HEATR1: variants seen among roughly 807,000 people sequenced by gnomAD.
HEATR1 encodes the protein HEAT repeat-containing protein 1.
A neutral mutation model predicts 248.2 loss-of-function variants in HEATR1; 77 were observed. That is an observed-to-expected ratio of 0.31 (90% CI 0.26 to 0.37). HEATR1 has a LOEUF of 0.37. HEATR1 is among the 10% of genes least tolerant of loss of function. The pLI, the probability that HEATR1 is intolerant of heterozygous loss-of-function variation, is 1.00. For missense variants in HEATR1, 2,420 were observed against 2,504.9 expected (o/e 0.97, Z 0.72); for synonymous variants, 897 against 923.1 (o/e 0.97, Z 0.51).
intron 3 of HEATR1, among the ~76,000 whole-genome samples, chr1:236,600,118 ATTTTTTTTT>A (rs67344658): frequency 0.021 from 1,044 of 50,310 alleles, 10 homozygotes; most frequent in Non-Finnish European, 0.027. Flanking sequence ...GTCTGTCAAC[ATTTTTTTTT>A]TTTTTTTTTT....
At position 236,599,590 on chromosome 1, in the gene HEATR1, T is replaced by C. The variant is rs184646465; in HGVS notation, c.394A>G (p.Ile132Val). ...TCGTGGTATGGCAGAACACAAGCAA[T>C]GAGGCTATCTTGATTATAGAGATGT... ...HIHLYNQDSL[I>V]ACVLPYHETR... Residue 132 changes from isoleucine to valine, a missense_variant, in exon 4 of 45, where the codon ATT becomes GTT. Transcript: ENST00000366582. The C allele has an allele frequency of 4.2e-4, 683 of 1,613,692 alleles. 2 individuals are homozygous for C. Among genetic ancestry groups the C allele is most frequent in the Admixed American group, 9.5e-4 (57 of 59,984 alleles).
At chr1:236,582,982 A>G in intron 18 of HEATR1, 31 bp downstream of exon 18, 1 of 1,609,814 alleles carries the variant, frequency 6.2e-7, no homozygotes, top group Non-Finnish European at 8.5e-7. Flanking sequence ...GCAGAGTATC[A>G]CATTTAAAAG....
chr1:236,557,626 G>A (rs1245688815), intron 36 of HEATR1, among the ~76,000 whole-genome samples: 1 of 152,214 alleles, frequency 6.6e-6, no homozygotes. Context: ...TGCAAGCACT[G>A]CCCTACAGAA....
rs1181035827 is a variant in HEATR1, at chr1:236,550,239, T to TGTGTGAGCAGCCAG, written c.*649_*662dup. On this transcript the variant is annotated 3_prime_UTR_variant, in exon 45 of 45. Transcript: ENST00000366582. ...TGCCACCCAGTGTTTCTGGGCCCTC[T>TGTGTGAGCAGCCAG]GTGTGAGCAGCCAGGTGTGAGCTGT... 1 of 152,218 alleles carries TGTGTGAGCAGCCAG rather than the reference T, an allele frequency of 6.6e-6. No individual in the cohort carries two copies. Among genetic ancestry groups the TGTGTGAGCAGCCAG allele is most frequent in the African/African-American group, 2.4e-5 (1 of 41,434 alleles). 9.4% of individuals were successfully genotyped at this position (152,218 alleles called of 1,614,324 possible).
In HEATR1 at chr1:236,596,851, A is replaced by T; in HGVS notation, c.729T>A (p.Phe243Leu). 1 of 1,613,368 alleles carries T rather than the reference A, an allele frequency of 6.2e-7. No homozygotes were observed. The highest frequency in any genetic ancestry group is 8.5e-7 in the Non-Finnish European group (1 of 1,179,734). ...DVSDNIIAKL[F>L]PYIQKGLKSS... Reference sequence around the variant, plus strand: ...CAGTGCCAACCTTTTGGATATAGGGAAATAGTTTGGCGATGATATTGTCTG... The same window carrying T: ...CAGTGCCAACCTTTTGGATATAGGGTAATAGTTTGGCGATGATATTGTCTG... The change falls in exon 6 of 45, where the codon TTT (phenylalanine) becomes TTA (leucine). Residue 243 changes from phenylalanine to leucine, a missense_variant. Physicochemically the swap from Phe to Leu is conservative, Grantham distance 22. Transcript: ENST00000366582.
Position 236,592,609 on chromosome 1 carries a change from T to A in HEATR1, c.1218A>T (p.Ser406=), listed in dbSNP as rs768191636. ...LASLLFEEYI[S]YSSQEEMDSN... ...AATCCATTTCTTCCTGTGAACTATA[T>A]GAAATATACTCTTCAAATAGAAGGC... The change falls in exon 10 of 45, where the codon TCA becomes TCT. Residue 406 remains serine (S), a synonymous_variant. Transcript: ENST00000366582. 6 of 1,453,452 alleles carry A rather than the reference T, an allele frequency of 4.1e-6. No individual in the cohort carries two copies. In the African/African-American group the frequency reaches 8.4e-5, roughly 20 times the overall value. The allele number at this position is 1,453,452 out of a possible 1,614,324, so 90.0% of individuals were successfully genotyped here. A position where few individuals can be genotyped will look rare whatever the true frequency, so the allele number is the denominator to read the frequency against.
At chr1:236,592,309 C>G (rs1664059944) in intron 10 of HEATR1, among the ~76,000 whole-genome samples, 199 bp from the exon 11 acceptor site, 1 of 152,138 alleles carries the variant, frequency 6.6e-6, no homozygotes, top group South Asian at 2.1e-4. Flanking sequence ...AATAGTCTCT[C>G]TATAAAAAAT....
In HEATR1 at chr1:236,555,337, G is replaced by C; in HGVS notation, c.5882C>G (p.Pro1961Arg). The change falls in exon 41 of 45, where the codon CCT (proline) becomes CGT (arginine). Residue 1961 changes from proline to arginine, a missense_variant. Physicochemically the swap from Pro to Arg is moderately radical, Grantham distance 103 (BLOSUM62 -2). Transcript: ENST00000366582. The stretch of plus-strand genomic sequence containing the variant: ...CACCTGGTTCAAGGTGTCAGCAAAA[G>C]GCTTCACTAAGTGGCCGGCAAACAG... The part of the protein sequence containing the change: ...FTLFAGHLVK[P>R]FADTLNQVNI... 1 of 1,614,214 alleles carries C rather than the reference G, an allele frequency of 6.2e-7. No individual in the cohort carries two copies. Among genetic ancestry groups the C allele is most frequent in the Non-Finnish European group, 8.5e-7 (1 of 1,180,030 alleles).
rs775787163 is a variant in HEATR1 at position 236,595,564 on chromosome 1, C to T, written c.1066G>A (p.Val356Ile). The T allele has an allele frequency of 3.5e-5, 57 of 1,611,898 alleles. No individual in the cohort carries two copies. Among genetic ancestry groups the T allele is most frequent in the Non-Finnish European group, 4.6e-5 (54 of 1,178,790 alleles). Residue 356 changes from valine (V) to isoleucine (I), a missense_variant, in exon 8 of 45, where the codon GTC becomes ATC. Physicochemically the swap from Val to Ile is conservative, Grantham distance 29. Coordinates refer to ENST00000366582, the MANE Select transcript of HEATR1 (RefSeq NM_018072.6). Reference sequence around the variant, plus strand: ...CCTGTAACATGATGAATGATGGAGACGACCAGATGGGGAAGCATGTAATGC... The same window carrying T: ...CCTGTAACATGATGAATGATGGAGATGACCAGATGGGGAAGCATGTAATGC... ...LLHYMLPHLV[V>I]SIIHHVTGEE...
In HEATR1 at chr1:236,572,732, G is replaced by T. The variant is rs1165220462; in HGVS notation, c.3556C>A (p.Gln1186Lys). 2 of 1,613,772 alleles carry T rather than the reference G, an allele frequency of 1.2e-6. No homozygotes were observed. The highest frequency in any genetic ancestry group is 1.1e-5 in the South Asian group (1 of 91,068). The part of the protein sequence containing the change: ...TVQQKRRQKM[Q>K]QKKSQDLESV... The stretch of plus-strand genomic sequence containing the variant: ...TGCATTTGTAGCTCTTACTTCTGCT[G>T]CATTTTTTGCCTTCTTTTTTGCTGA... The change falls in exon 25 of 45, where the codon CAG becomes AAG. Residue 1186 changes from glutamine to lysine, a missense_variant. Gln to Lys is a moderately conservative substitution (Grantham distance 53, BLOSUM62 1). Coordinates refer to ENST00000366582, the MANE Select transcript of HEATR1 (RefSeq NM_018072.6).
chr1:236,565,948 T>C lies in HEATR1; in HGVS notation c.4406A>G (p.Tyr1469Cys). 6.2e-7 allele frequency: 1 copy of C among 1,613,966 alleles called. No homozygotes were observed. Among genetic ancestry groups the C allele is most frequent in the Middle Eastern group, 1.7e-4 (1 of 6,058 alleles). ...TTTTTCCTCTGGCAGCTTTAGTAAG[T>C]ACTGGAGGATATTCATCAAGCTTTG... is the stretch of plus-strand genomic sequence containing the variant. The part of the protein sequence containing the change: ...QIQSLMNILQ[Y>C]LLKLPEEKEE... Residue 1469 changes from tyrosine (Y) to cysteine (C), a missense_variant, in exon 31 of 45, where the codon TAC (tyrosine) becomes TGC (cysteine). Tyr to Cys is a radical substitution (Grantham distance 194). Coordinates refer to ENST00000366582, the MANE Select transcript of HEATR1 (RefSeq NM_018072.6).
chr1:236,576,794 C>A lies in HEATR1; in HGVS notation c.2911G>T (p.Ala971Ser). 1 of 1,611,534 alleles carries A rather than the reference C, an allele frequency of 6.2e-7. No individual in the cohort carries two copies. Among genetic ancestry groups the A allele is most frequent in the Non-Finnish European group, 8.5e-7 (1 of 1,179,070 alleles). The change falls in exon 21 of 45, where the codon GCC becomes TCC. Residue 971 changes from alanine (A) to serine (S), a missense_variant. Coordinates refer to ENST00000366582, the MANE Select transcript of HEATR1 (RefSeq NM_018072.6). ...AACGAGCTTACCTGAATAACATAGG[C>A]AGCATCTGAAGTGATCTCCTCTGCT... ...SKAEEITSDA[A>S]YVIQDLATLF... is the part of the protein sequence containing the mutation.
chr1:236,579,138 G>A (rs539296591), intron 20 of HEATR1, among the ~76,000 whole-genome samples: 17 of 152,194 alleles, frequency 1.1e-4, no homozygotes, highest in African/African-American at 1.7e-4. Flanking sequence ...TCAAATTTTC[G>A]GAGCACCAAT....
intron 24 of HEATR1, 145 bp from the exon 25 acceptor site, chr1:236,572,973 G>T: frequency 1.4e-6 from 1 of 728,692 alleles, no homozygotes; most frequent in Non-Finnish European, 2.3e-6. Context: ...CCCAGCATTG[G>T]ATGCTACTAC....
At chr1:236,563,128 G>C (rs959032669) in intron 32 of HEATR1, among the ~76,000 whole-genome samples, 2 of 152,150 alleles carry the variant, frequency 1.3e-5, no homozygotes, top group African/African-American at 4.8e-5. Context: ...AACAATGACA[G>C]AGGAGATTCT....
intron 28 of HEATR1, among the ~76,000 whole-genome samples, chr1:236,570,947 AAATT>A (rs1663410013): frequency 6.6e-6 from 1 of 152,234 alleles, no homozygotes; most frequent in African/African-American, 2.4e-5. Context: ...GTTTATGATC[AAATT>A]AATTTTCTGA....
chr1:236,604,199 C>T (rs1393943675), intron 1 of HEATR1, 72 bp from the exon 2 acceptor site: 6 of 1,254,860 alleles, frequency 4.8e-6, no homozygotes, highest in Non-Finnish European at 6.5e-6. Flanking sequence ...CAATTCTCTT[C>T]TGCACTCAGC....
Position 236,550,950 on chromosome 1 carries a change from A to G in HEATR1, c.6387T>C (p.Ile2129=). 1 of 1,606,678 alleles carries G rather than the reference A, an allele frequency of 6.2e-7. No homozygotes were observed. ...CTCCCAGGACAGTTTCCAGTTGCTGAATAGTCTTTTGGCACTGATGTTCTA... is the reference window on the plus strand; with the variant it reads ...CTCCCAGGACAGTTTCCAGTTGCTGGATAGTCTTTTGGCACTGATGTTCTA... ...EEVEHQCQKT[I]QQLETVLGEP... The change falls in exon 45 of 45, where the codon ATT becomes ATC. Residue 2129 remains isoleucine, a synonymous_variant. Transcript: ENST00000366582.
In HEATR1 at chr1:236,600,037, G is replaced by A. The variant is rs182054817; in HGVS notation, c.360-413C>T. On this transcript the variant is annotated intron_variant, in intron 3 of 44. Transcript: ENST00000366582. ...TCTCCTGAGTAGCTGGGACCACAGGGGAGCACCATCACAGCTGGCTAATTT... is the reference window on the plus strand; with the variant it reads ...TCTCCTGAGTAGCTGGGACCACAGGAGAGCACCATCACAGCTGGCTAATTT... Among the ~76,000 whole-genome samples, 80 of 151,466 alleles carry A rather than the reference G, an allele frequency of 5.3e-4. 1 individual carries two copies. The highest frequency in any genetic ancestry group is 4.4e-3 in the Admixed American group (67 of 15,210).
Sources: allele counts gnomAD v4.1 joint callset (sites outside exome capture counted in the v4.1 genomes callset), GRCh38; gene constraint gnomAD v4.1.1; transcripts MANE v1.5; gene names NCBI Gene and HGNC (gene_info 2026-07-23, HGNC 2026-07-21).